ADAMTSL3: variants seen among roughly 807,000 people sequenced by gnomAD.
ADAMTSL3 encodes the protein ADAMTS-like protein 3.
A neutral mutation model predicts 201.7 loss-of-function variants in ADAMTSL3; 128 were observed. That is an observed-to-expected ratio of 0.63 (90% CI 0.55 to 0.73). ADAMTSL3 has a LOEUF of 0.73. ADAMTSL3 is among the 30% of genes least tolerant of loss of function. ADAMTSL3 has a pLI of 0.00. For missense variants in ADAMTSL3, 1,990 were observed against 2,119.6 expected, an observed-to-expected ratio of 0.94 and a Z score of 1.20; for synonymous variants, 738 against 748.4, an observed-to-expected ratio of 0.99 and a Z score of 0.23.
chr15:83,930,932 TACC>T (rs1268156078), intron 17 of ADAMTSL3, among the ~76,000 whole-genome samples: 5 of 152,354 alleles, frequency 3.3e-5, no homozygotes, highest in African/African-American at 1.2e-4. Flanking sequence ...GGGTGAAACT[TACC>T]ACTGAGATTG....
At chr15:83,897,100 TG>T (rs1431548322) in intron 13 of ADAMTSL3, among the ~76,000 whole-genome samples, 1 of 152,036 alleles carries the variant, frequency 6.6e-6, no homozygotes, top group Non-Finnish European at 1.5e-5. Context: ...GAGATTTGGG[TG>T]GGGACACAGA....
At chr15:83,674,990 A>AT (rs1288292980) in intron 2 of ADAMTSL3, among the ~76,000 whole-genome samples, 3 of 151,504 alleles carry the variant, frequency 2.0e-5, no homozygotes, top group Non-Finnish European at 4.4e-5. Context: ...CATATTCTAT[A>AT]TTTTTTTGGA....
intron 19 of ADAMTSL3, among the ~76,000 whole-genome samples, chr15:83,963,016 A>G (rs1317446788): frequency 6.6e-6 from 1 of 152,178 alleles, no homozygotes; most frequent in African/African-American, 2.4e-5. Context: ...TGGTCTTTAC[A>G]ACCCACAAAC....
intron 7 of ADAMTSL3, among the ~76,000 whole-genome samples, chr15:83,857,895 G>C (rs369251376): frequency 6.6e-6 from 1 of 152,198 alleles, no homozygotes; most frequent in East Asian, 1.9e-4. Context: ...TTTAGAAACA[G>C]ACAATCTTCA....
intron 3 of ADAMTSL3, among the ~76,000 whole-genome samples, chr15:83,736,224 G>T (rs1006054659): frequency 6.6e-6 from 1 of 152,134 alleles, no homozygotes; most frequent in African/African-American, 2.4e-5. Context: ...TATTAACTGT[G>T]CCATGGAGTA....
chr15:83,838,294 G>A, intron 7 of ADAMTSL3, 79 bp downstream of exon 7: 1 of 1,497,502 alleles, frequency 6.7e-7, no homozygotes, highest in Non-Finnish European at 8.9e-7. Context: ...AACATTTTCT[G>A]AATGTTAAGC....
chr15:83,777,551 C>A (rs1026153671), intron 4 of ADAMTSL3, among the ~76,000 whole-genome samples: 1 of 152,040 alleles, frequency 6.6e-6, no homozygotes, highest in Non-Finnish European at 1.5e-5. Flanking sequence ...TTGGCTGAAT[C>A]CACCTTATAC....
At chr15:83,991,050 G>A in intron 22 of ADAMTSL3, 36 bp from the exon 23 acceptor site, 7 of 1,613,454 alleles carry the variant, frequency 4.3e-6, no homozygotes, top group Non-Finnish European at 5.1e-6. Context: ...GCAAAAGCCT[G>A]AACCTAACAT....
chr15:83,742,125 G>T (rs2062466852), intron 3 of ADAMTSL3, among the ~76,000 whole-genome samples: 1 of 152,006 alleles, frequency 6.6e-6, no homozygotes, highest in Non-Finnish European at 1.5e-5. Flanking sequence ...TCATATAAGA[G>T]ATATATACAA....
intron 17 of ADAMTSL3, among the ~76,000 whole-genome samples, chr15:83,933,830 C>G (rs572883141): frequency 6.6e-6 from 1 of 152,352 alleles, no homozygotes; most frequent in East Asian, 1.9e-4. Flanking sequence ...TCCATTGCTT[C>G]AGAGGGTGCA....
intron 3 of ADAMTSL3, among the ~76,000 whole-genome samples, chr15:83,745,160 T>A (rs896356944): frequency 1.3e-5 from 2 of 152,216 alleles, no homozygotes; most frequent in Admixed American, 6.5e-5. Flanking sequence ...ACAACGTTGC[T>A]TCAGAGAGGA....
rs2068205552 is a variant in ADAMTSL3 at position 84,021,540 on chromosome 15, C to T, written c.4404C>T (p.Leu1468=). 3 of 1,614,140 alleles carry T rather than the reference C, an allele frequency of 1.9e-6. No individual in the cohort carries two copies. Among genetic ancestry groups the T allele is most frequent in the Non-Finnish European group, 2.5e-6 (3 of 1,180,012 alleles). The change falls in exon 26 of 30, where the codon CTC becomes CTT. Residue 1468 remains leucine, a synonymous_variant. Transcript: ENST00000286744. The stretch of plus-strand genomic sequence containing the variant: ...TGAGTGAGGCCCTGTGTGATCACCT[C>T]CAGAAGCCACTGGCTGGGTTTGAGC... ...QEVSEALCDH[L]QKPLAGFEPC...
intron 2 of ADAMTSL3, among the ~76,000 whole-genome samples, chr15:83,696,014 G>A (rs1317836016): frequency 6.6e-6 from 1 of 152,108 alleles, no homozygotes; most frequent in Admixed American, 6.5e-5. Context: ...AAACTGTAAA[G>A]TCCCATGTGC....
chr15:83,799,686 C>G (rs955806479), intron 4 of ADAMTSL3, among the ~76,000 whole-genome samples: 1 of 151,934 alleles, frequency 6.6e-6, no homozygotes, highest in Non-Finnish European at 1.5e-5. Context: ...TTTATATATT[C>G]ATAAATTTAT....
intron 9 of ADAMTSL3, among the ~76,000 whole-genome samples, chr15:83,882,702 T>C (rs932040710): frequency 5.9e-5 from 9 of 152,358 alleles, no homozygotes; most frequent in African/African-American, 2.2e-4. Flanking sequence ...TATAGAATTC[T>C]AGATCCAATA....
At chr15:83,722,513 T>C (rs2062115107) in intron 3 of ADAMTSL3, among the ~76,000 whole-genome samples, 3 of 152,204 alleles carry the variant, frequency 2.0e-5, no homozygotes, top group African/African-American at 7.2e-5. Context: ...GAAAAAATTA[T>C]GATACAGAAA....
At chr15:83,776,157 C>A (rs1250428524) in intron 4 of ADAMTSL3, among the ~76,000 whole-genome samples, 2 of 152,176 alleles carry the variant, frequency 1.3e-5, no homozygotes, top group African/African-American at 4.8e-5. Flanking sequence ...CTTAAAATTT[C>A]TTCCTCTTGA....
chr15:84,035,440 CA>C (rs1299913630), intron 28 of ADAMTSL3, among the ~76,000 whole-genome samples: 1 of 152,142 alleles, frequency 6.6e-6, no homozygotes, highest in Non-Finnish European at 1.5e-5. Flanking sequence ...CTCTGTTGTT[CA>C]AAGTGACTCA....
intron 2 of ADAMTSL3, among the ~76,000 whole-genome samples, chr15:83,691,859 C>A (rs2061612923): frequency 1.3e-5 from 2 of 152,124 alleles, no homozygotes; most frequent in Non-Finnish European, 2.9e-5. Context: ...AGTGATCTGC[C>A]CGCTTTGGCC....
Sources: allele counts gnomAD v4.1 joint callset (sites outside exome capture counted in the v4.1 genomes callset), GRCh38; gene constraint gnomAD v4.1.1; transcripts MANE v1.5; gene names NCBI Gene and HGNC (gene_info 2026-07-23, HGNC 2026-07-21).